The following CIT variants were observed in gnomAD, a reference collection of about 807,000 sequenced individuals.
The protein encoded by CIT is citron Rho-interacting kinase.
In CIT, 79 loss-of-function variants were observed where a neutral mutation model predicts 272.7. The observed-to-expected ratio is 0.29, with a 90% CI of 0.24 to 0.35. The LOEUF (loss-of-function observed/expected upper bound fraction) is 0.35, where lower values mean the gene tolerates loss of function less well. Ranked by LOEUF, CIT falls within the 10% of genes least tolerant of loss-of-function variation. The pLI is 1.00. For synonymous variants in CIT, 948 were observed against 995.6 expected, an observed-to-expected ratio of 0.95 and a Z score of 0.90; for missense variants, 1,909 against 2,618.3, an observed-to-expected ratio of 0.73 and a Z score of 5.91.
At chr12:119,856,074 T>C (rs1018146656) in intron 4 of CIT, among the ~76,000 whole-genome samples, 5 of 152,196 alleles carry the variant, frequency 3.3e-5, no homozygotes, top group African/African-American at 1.2e-4. Context: ...ATTTTATTGC[T>C]AAACAAAGAA....
chr12:119,774,150 G>C (rs553434400), intron 16 of CIT, among the ~76,000 whole-genome samples: 1 of 152,194 alleles, frequency 6.6e-6, no homozygotes, highest in African/African-American at 2.4e-5. Flanking sequence ...AGAGGAATTC[G>C]TATTTGGTGG....
chr12:119,873,132 G>A (rs1950733226), intron 2 of CIT, among the ~76,000 whole-genome samples: 1 of 151,832 alleles, frequency 6.6e-6, no homozygotes, highest in Non-Finnish European at 1.5e-5. Flanking sequence ...ATTAAAAATA[G>A]TCCTTACCTC....
At chr12:119,872,452 A>G (rs1323619182) in intron 2 of CIT, among the ~76,000 whole-genome samples, 1 of 152,232 alleles carries the variant, frequency 6.6e-6, no homozygotes, top group African/African-American at 2.4e-5. Context: ...AAACAGCACT[A>G]TATGGGAAAA....
chr12:119,735,673 TA>T (rs1330292997), intron 24 of CIT, among the ~76,000 whole-genome samples: 2 of 152,192 alleles, frequency 1.3e-5, no homozygotes, highest in East Asian at 3.9e-4. Context: ...GGAAATAATA[TA>T]ATGTGGAAAG....
At chr12:119,787,516 G>T (rs1964903614) in intron 10 of CIT, among the ~76,000 whole-genome samples, 1 of 151,450 alleles carries the variant, frequency 6.6e-6, no homozygotes, top group Non-Finnish European at 1.5e-5. Flanking sequence ...CGGATCACGA[G>T]GTCAGGAGAT....
intron 7 of CIT, 56 bp downstream of exon 7, chr12:119,832,715 G>T: frequency 1.4e-6 from 2 of 1,416,656 alleles, no homozygotes; most frequent in South Asian, 1.2e-5. Context: ...AACTTAGGAG[G>T]ACCAAGAATA....
At chr12:119,815,134 TA>T (rs1403757660) in intron 9 of CIT, among the ~76,000 whole-genome samples, 2 of 121,008 alleles carry the variant, frequency 1.7e-5, no homozygotes, top group Non-Finnish European at 3.4e-5. Context: ...ACACACACAC[TA>T]AATGCACAAG....
At position 119,697,081 on chromosome 12, in the gene CIT, G is replaced by A. The variant is rs993713525; in HGVS notation, c.5882+578C>T. On this transcript the variant is annotated intron_variant, in intron 46 of 47. Coordinates refer to ENST00000392521, the MANE Select transcript of CIT (RefSeq NM_001206999.2). The surrounding 1 kb of genome is among the most constrained non-coding windows in gnomAD (Gnocchi z 4.9). ...CCAGGAGTCCCTGACCTGCTCTCAC[G>A]ACCTCACATCTCTGGACCTCCAGGC... Among the ~76,000 whole-genome samples, 4 of 152,076 alleles carry A rather than the reference G, an allele frequency of 2.6e-5. No homozygotes were observed. The highest frequency in any genetic ancestry group is 2.6e-4 in the Admixed American group (4 of 15,256).
At chr12:119,820,704 C>T (rs1967627380) in intron 9 of CIT, among the ~76,000 whole-genome samples, 1 of 152,198 alleles carries the variant, frequency 6.6e-6, no homozygotes, top group Non-Finnish European at 1.5e-5. Flanking sequence ...GGTGCAATGG[C>T]TCACGCCTGT....
intron 23 of CIT, among the ~76,000 whole-genome samples, chr12:119,751,118 C>T (rs1032466976): frequency 2.0e-5 from 3 of 152,118 alleles, no homozygotes; most frequent in Non-Finnish European, 4.4e-5. Context: ...CTGACACCAG[C>T]CATTAAAATT....
chr12:119,691,277 C>T (rs1397253788), intron 46 of CIT, among the ~76,000 whole-genome samples: 1 of 151,666 alleles, frequency 6.6e-6, no homozygotes, highest in African/African-American at 2.4e-5. Flanking sequence ...AGGAAGTCAT[C>T]AACTAGGAGG....
intron 32 of CIT, among the ~76,000 whole-genome samples, chr12:119,715,358 A>T (rs1312289931): frequency 6.6e-6 from 1 of 152,240 alleles, no homozygotes; most frequent in Non-Finnish European, 1.5e-5. Context: ...CCATGAAAGG[A>T]ATGAAGTTCT....
intron 10 of CIT, among the ~76,000 whole-genome samples, chr12:119,793,109 T>A (rs1965462148): frequency 2.0e-5 from 3 of 151,958 alleles, no homozygotes; most frequent in Admixed American, 1.3e-4. Flanking sequence ...TATATATTTA[T>A]ATATATACCA....
At chr12:119,750,175 T>C (rs1049704102) in intron 23 of CIT, among the ~76,000 whole-genome samples, 2 of 152,188 alleles carry the variant, frequency 1.3e-5, no homozygotes, top group African/African-American at 2.4e-5. Flanking sequence ...TTAATATACA[T>C]TGCGTTAAAT....
At chr12:119,854,316 T>C (rs933819399) in intron 4 of CIT, among the ~76,000 whole-genome samples, 3 of 149,396 alleles carry the variant, frequency 2.0e-5, no homozygotes, top group African/African-American at 7.3e-5. Context: ...CGTGAGCCAC[T>C]GCACCCGGCC....
At chr12:119,806,344 AAAG>A (rs1966605639) in intron 9 of CIT, among the ~76,000 whole-genome samples, 1 of 152,180 alleles carries the variant, frequency 6.6e-6, no homozygotes, top group Non-Finnish European at 1.5e-5. Flanking sequence ...CTTAAGCCAA[AAAG>A]AAGTGGGGGA....
rs766926489 is a variant in CIT, at chr12:119,784,200, C to T, written c.1402-149G>A. On this transcript the variant is annotated intron_variant, in intron 11 of 47. Coordinates refer to ENST00000392521, the MANE Select transcript of CIT (RefSeq NM_001206999.2). The surrounding 1 kb of genome is among the most constrained non-coding windows in gnomAD (Gnocchi z 4.7). ...TGGGATGGAAATACCATTGTTTCTT[C>T]GCCCAGGAGCGCACAGTTCTTCGTT... The T allele has an allele frequency of 3.1e-6, 5 of 1,605,118 alleles. No homozygotes were observed. The highest frequency in any genetic ancestry group is 3.4e-6 in the Non-Finnish European group (4 of 1,174,766).
chr12:119,787,953 CT>C (rs1005726279), intron 10 of CIT, among the ~76,000 whole-genome samples: 2 of 152,122 alleles, frequency 1.3e-5, no homozygotes, highest in East Asian at 3.9e-4. Context: ...CAAATGTCAC[CT>C]GTTACTACTG....
At chr12:119,716,180 C>G (rs934966823) in intron 32 of CIT, among the ~76,000 whole-genome samples, 8 of 151,974 alleles carry the variant, frequency 5.3e-5, no homozygotes, top group Admixed American at 3.9e-4. Context: ...GAGTTCAAGA[C>G]CAGCCTGGCC....
Sources: gnomAD v4.1 joint callset for allele counts (sites outside exome capture counted in the v4.1 genomes callset) on GRCh38, gnomAD v4.1.1 for gene constraint, Gnocchi (gnomAD v3.1) non-coding constraint, MANE v1.5 for transcripts, NCBI Gene and HGNC (gene_info 2026-07-23, HGNC 2026-07-21) for gene names.